Variants in PID1 observed in about 807,000 individuals in gnomAD.
PID1 encodes the protein phosphotyrosine interaction domain containing 1.
PID1 carries 10 observed loss-of-function variants against 19.1 expected under a neutral mutation model. That is an observed-to-expected ratio of 0.52 (90% CI 0.32 to 0.89). The LOEUF (loss-of-function observed/expected upper bound fraction) is 0.89. Ranked by LOEUF, PID1 falls within the 40% of genes least tolerant of loss-of-function variation. The pLI is 0.03. For synonymous variants in PID1, 130 were observed against 116.0 expected (o/e 1.12, Z -0.78); for missense variants, 248 against 285.3 (o/e 0.87, Z 0.94).
At chr2:229,065,506 C>T (rs941881696) in intron 2 of PID1, among the ~76,000 whole-genome samples, 1 of 152,014 alleles carries the variant, frequency 6.6e-6, no homozygotes, top group Non-Finnish European at 1.5e-5. Flanking sequence ...AAATGCTTCT[C>T]ACTTTACACT....
chr2:229,175,824 T>C (rs557341752), intron 1 of PID1, among the ~76,000 whole-genome samples: 7 of 152,316 alleles, frequency 4.6e-5, no homozygotes, highest in African/African-American at 1.4e-4. Flanking sequence ...TTTCTTATCA[T>C]TGCATCCATT....
intron 2 of PID1, among the ~76,000 whole-genome samples, chr2:229,036,666 T>C (rs1274821908): frequency 6.6e-6 from 1 of 152,128 alleles, no homozygotes; most frequent in Non-Finnish European, 1.5e-5. Flanking sequence ...GAGAACTGCT[T>C]GAACCTGGGA....
At chr2:229,244,957 T>C (rs1226998) in intron 1 of PID1, 46,203 of 151,764 alleles carry the variant, frequency 0.3, 8,128 homozygotes, top group East Asian at 0.68. Flanking sequence ...CAAAACTCCA[T>C]AAGCAGAAGC....
At position 229,271,249 on chromosome 2, in the gene PID1, C is replaced by A; in HGVS notation, c.-206G>T. ...GCTGCCGGCAACTTGTGGGCACGGC[C>A]GCGCGCCGGCTGTCCTGGCGCAGCT... On this transcript the variant is annotated 5_prime_UTR_variant, in exon 1 of 3. Coordinates refer to ENST00000392055, the MANE Select transcript of PID1 (RefSeq NM_001100818.2). 2 of 451,408 alleles carry A rather than the reference C, an allele frequency of 4.4e-6. No homozygotes were observed. Among genetic ancestry groups the A allele is most frequent in the South Asian group, 3.3e-5 (1 of 30,362 alleles). The allele number at this position is 451,408 out of a possible 1,614,324, so 28.0% of individuals were successfully genotyped here.
intron 2 of PID1, among the ~76,000 whole-genome samples, chr2:229,076,581 T>G (rs1032124385): frequency 1.3e-4 from 19 of 151,986 alleles, no homozygotes; most frequent in African/African-American, 4.6e-4. Context: ...GTGTGATATT[T>G]CCCTCCCTGT....
At chr2:229,134,517 C>T (rs1405785360) in intron 2 of PID1, among the ~76,000 whole-genome samples, 1 of 151,902 alleles carries the variant, frequency 6.6e-6, no homozygotes, top group Non-Finnish European at 1.5e-5. Flanking sequence ...GCTGGGATTA[C>T]AGGCATGAGC....
chr2:229,088,414 A>T (rs750438494), intron 2 of PID1, among the ~76,000 whole-genome samples: 1 of 152,184 alleles, frequency 6.6e-6, no homozygotes, highest in African/African-American at 2.4e-5. Flanking sequence ...GGCTTAAAAA[A>T]GGAAGAAAAG....
chr2:229,128,942 C>G (rs1280686949), intron 2 of PID1, among the ~76,000 whole-genome samples: 2 of 152,158 alleles, frequency 1.3e-5, no homozygotes, highest in Admixed American at 1.3e-4. Context: ...GATGGATACC[C>G]CATTCTCCAT....
intron 1 of PID1, among the ~76,000 whole-genome samples, chr2:229,159,804 C>T (rs1392776022): frequency 2.0e-5 from 3 of 152,086 alleles, no homozygotes; most frequent in African/African-American, 7.2e-5. Flanking sequence ...AGCAAGTCTT[C>T]GTATTTCTTC....
At chr2:229,199,751 T>TACACAC (rs142246557) in intron 1 of PID1, among the ~76,000 whole-genome samples, 79 of 140,218 alleles carry the variant, frequency 5.6e-4, no homozygotes, top group South Asian at 2.0e-3. Context: ...TATATACACA[T>TACACAC]ACACACACAC....
chr2:229,141,645 G>T (rs991021539), intron 2 of PID1, among the ~76,000 whole-genome samples: 3 of 152,056 alleles, frequency 2.0e-5, no homozygotes, highest in South Asian at 2.1e-4. Context: ...ATCAATGTGG[G>T]GGGGGAACTA....
At chr2:229,092,673 CA>C (rs1392074592) in intron 2 of PID1, among the ~76,000 whole-genome samples, 1 of 152,116 alleles carries the variant, frequency 6.6e-6, no homozygotes, top group Non-Finnish European at 1.5e-5. Context: ...AAGTCACAGG[CA>C]CCTTTGGCTC....
At chr2:229,121,790 A>G (rs964889405) in intron 2 of PID1, among the ~76,000 whole-genome samples, 1 of 152,194 alleles carries the variant, frequency 6.6e-6, no homozygotes, top group Non-Finnish European at 1.5e-5. Context: ...ATCGAGGTCT[A>G]GGGACAGAAC....
intron 1 of PID1, among the ~76,000 whole-genome samples, chr2:229,235,036 C>T (rs1692294093): frequency 6.6e-6 from 1 of 152,108 alleles, no homozygotes; most frequent in South Asian, 2.1e-4. Flanking sequence ...AGCCTCTGAT[C>T]AACAGCTTTT....
intron 2 of PID1, among the ~76,000 whole-genome samples, chr2:229,050,045 A>G (rs139737967): frequency 3.3e-5 from 5 of 152,336 alleles, no homozygotes; most frequent in Admixed American, 1.3e-4. Context: ...CAGAGGAAAA[A>G]TATGAAAAAA....
intron 1 of PID1, among the ~76,000 whole-genome samples, chr2:229,198,229 A>G (rs1246978045): frequency 2.0e-5 from 3 of 152,044 alleles, no homozygotes; most frequent in Admixed American, 6.6e-5. Context: ...TTTTGCACAG[A>G]CTTCATAATT....
At chr2:229,026,152 G>C (rs924944464) in intron 2 of PID1, 44 bp from the exon 3 acceptor site, 6 of 1,380,286 alleles carry the variant, frequency 4.3e-6, no homozygotes, top group Non-Finnish European at 6.1e-6. Context: ...TCAGCAGAAG[G>C]CTCTTTGTTC....
intron 2 of PID1, among the ~76,000 whole-genome samples, chr2:229,086,218 T>C (rs572752816): frequency 1.8e-4 from 28 of 152,260 alleles, no homozygotes; most frequent in African/African-American, 6.5e-4. Context: ...AATAAACCCA[T>C]TGAAAGGTGA....
At chr2:229,096,780 T>C (rs1694978502) in intron 2 of PID1, among the ~76,000 whole-genome samples, 1 of 152,148 alleles carries the variant, frequency 6.6e-6, no homozygotes, top group Non-Finnish European at 1.5e-5. Context: ...AGAAAATAAT[T>C]TCTGAACCAT....
Sources: allele counts gnomAD v4.1 joint callset (sites outside exome capture counted in the v4.1 genomes callset), GRCh38; gene constraint gnomAD v4.1.1; transcripts MANE v1.5; gene names NCBI Gene and HGNC (gene_info 2026-07-23, HGNC 2026-07-21).